The following ADGRG3 variants were observed in gnomAD, a reference collection of about 807,000 sequenced individuals.
ADGRG3 encodes G protein-coupled receptor 97.
Under a neutral mutation model 54.3 loss-of-function variants are expected in ADGRG3, and 39 were observed. That is an observed-to-expected ratio of 0.72 (90% CI 0.56 to 0.94). The LOEUF (loss-of-function observed/expected upper bound fraction) is 0.94. Among genes scored for constraint, ADGRG3 ranks in the 40% least tolerant of loss-of-function variants. The pLI is 0.00. For missense variants in ADGRG3, 654 were observed against 694.6 expected, an observed-to-expected ratio of 0.94 and a Z score of 0.66; for synonymous variants, 312 against 290.0, an observed-to-expected ratio of 1.08 and a Z score of -0.77.
chr16:57,677,872 T>C (rs575337292), intron 3 of ADGRG3, among the ~76,000 whole-genome samples: 122 of 152,174 alleles, frequency 8.0e-4, no homozygotes, highest in Non-Finnish European at 1.4e-3. Context: ...CCTCCAGCCG[T>C]CCTCATACTT....
At chr16:57,678,691 G>A (rs2048308316) in intron 4 of ADGRG3, 3 of 332,926 alleles carry the variant, frequency 9.0e-6, no homozygotes, top group South Asian at 7.0e-5. Flanking sequence ...ACGAGCAAGT[G>A]TACCCATGCC....
At chr16:57,687,704 T>C (rs1162517812) in intron 11 of ADGRG3, among the ~76,000 whole-genome samples, 1 of 152,226 alleles carries the variant, frequency 6.6e-6, no homozygotes, top group African/African-American at 2.4e-5. Flanking sequence ...GCCTGGAGAA[T>C]CCCAGGGGTT....
chr16:57,666,654 G>C (rs1261496558), upstream of ADGRG3, among the ~76,000 whole-genome samples: 1 of 152,158 alleles, frequency 6.6e-6, no homozygotes, highest in Non-Finnish European at 1.5e-5. Flanking sequence ...GTTGGGGGGG[G>C]TCTCAGGGTT....
chr16:57,683,307 C>T (rs566278613), intron 8 of ADGRG3, among the ~76,000 whole-genome samples: 3 of 152,270 alleles, frequency 2.0e-5, no homozygotes, highest in South Asian at 2.1e-4. Flanking sequence ...GGCCCGTGTA[C>T]GTTTGTGTGT....
intron 3 of ADGRG3, 61 bp from the exon 4 acceptor site, chr16:57,678,109 A>G: frequency 1.3e-6 from 2 of 1,585,966 alleles, no homozygotes; most frequent in East Asian, 2.2e-5. Flanking sequence ...CAGCTGGGGG[A>G]GTGGCAGGAC....
At chr16:57,675,574 T>C (rs2148700546) in intron 2 of ADGRG3, among the ~76,000 whole-genome samples, 1 of 152,198 alleles carries the variant, frequency 6.6e-6, no homozygotes, top group South Asian at 2.1e-4. Flanking sequence ...GAGGTTGCAG[T>C]GAGCTGAGAT....
chr16:57,687,368 C>T (rs1348748932), intron 11 of ADGRG3, among the ~76,000 whole-genome samples: 1 of 152,112 alleles, frequency 6.6e-6, no homozygotes. Context: ...CTTCTGGTTT[C>T]AGCCTCCTGA....
intron 6 of ADGRG3, 52 bp from the exon 7 acceptor site, chr16:57,680,213 C>T: frequency 1.6e-5 from 14 of 874,220 alleles, no homozygotes; most frequent in South Asian, 6.6e-5. Context: ...CCCTCCCTTG[C>T]CCTCCCCTCC....
In ADGRG3 at chr16:57,678,213, G is replaced by C. The variant is rs2048298336; in HGVS notation, c.389G>C (p.Arg130Thr). Residue 130 changes from arginine to threonine, a missense_variant, in exon 4 of 12, where the codon AGA (arginine) becomes ACA (threonine). Arg to Thr is a moderately conservative substitution (Grantham distance 71). Transcript: ENST00000333493. ...AAGGACGAGGACAAGCCCCCTGACA[G>C]AGTGCGACTTCCCAAGAGCCTTTTT... ...VMKDEDKPPDRVRLPKSLFRS... is the reference protein window; with the variant it reads ...VMKDEDKPPDTVRLPKSLFRS... 1 of 1,614,214 alleles carries C rather than the reference G, an allele frequency of 6.2e-7. No homozygotes were observed. Among genetic ancestry groups the C allele is most frequent in the East Asian group, 2.2e-5 (1 of 44,888 alleles).
chr16:57,680,407 T>C, intron 7 of ADGRG3, 42 bp downstream of exon 7: 2 of 1,578,622 alleles, frequency 1.3e-6, no homozygotes, highest in Non-Finnish European at 8.7e-7. Context: ...TCCCAGGGGC[T>C]TCCAGCTCCT....
intron 5 of ADGRG3, 58 bp downstream of exon 5, chr16:57,679,369 C>A (rs2048322591): frequency 1.3e-6 from 2 of 1,579,312 alleles, no homozygotes; most frequent in Non-Finnish European, 1.7e-6. Flanking sequence ...AGTGGGCACA[C>A]CTGGGCCCAT....
At chr16:57,679,137 C>G (rs1364702283) in intron 4 of ADGRG3, 40 bp from the exon 5 acceptor site, 3 of 1,610,764 alleles carry the variant, frequency 1.9e-6, no homozygotes, top group Non-Finnish European at 2.5e-6. Context: ...TTGGGATGGC[C>G]CCTTCTGCAG....
At position 57,680,327 on chromosome 16, in the gene ADGRG3, T is replaced by G; in HGVS notation, c.730T>G (p.Cys244Gly). The G allele has an allele frequency of 6.2e-7, 1 of 1,612,644 alleles. No individual in the cohort carries two copies. The highest frequency in any genetic ancestry group is 1.1e-5 in the South Asian group (1 of 90,980). ...STEVRPEGTV[C>G]CCDHLTFFAL... Reference sequence around the variant, plus strand: ...GGAGGTCAGACCTGAGGGGACCGTGTGCTGCTGTGACCACCTGACCTTTTT... The same window carrying G: ...GGAGGTCAGACCTGAGGGGACCGTGGGCTGCTGTGACCACCTGACCTTTTT... The change falls in exon 7 of 12, where the codon TGC becomes GGC. Residue 244 changes from cysteine (C) to glycine (G), a missense_variant. By Grantham distance (159) the Cys-to-Gly change is radical (BLOSUM62 -3). Transcript: ENST00000333493.
rs1210991733 is a variant in ADGRG3, at chr16:57,685,755, A to T, written c.1369A>T (p.Ile457Phe). The T allele has an allele frequency of 1.2e-6, 2 of 1,613,992 alleles. No individual in the cohort carries two copies. The highest frequency in any genetic ancestry group is 1.6e-4 in the Middle Eastern group (1 of 6,084). The change falls in exon 11 of 12, where the codon ATC becomes TTC. Residue 457 changes from isoleucine to phenylalanine, a missense_variant. Ile to Phe is a conservative substitution (Grantham distance 21, BLOSUM62 0). Coordinates refer to ENST00000333493, the MANE Select transcript of ADGRG3 (RefSeq NM_170776.5). The part of the protein sequence containing the change: ...MVVLALVVWK[I>F]FTLSRATAVK... Reference sequence around the variant, plus strand: ...GGTCCTGGCCCTGGTGGTCTGGAAGATCTTCACCCTGTCCCGTGCTACAGC... The same window carrying T: ...GGTCCTGGCCCTGGTGGTCTGGAAGTTCTTCACCCTGTCCCGTGCTACAGC...
At chr16:57,673,872 A>C (rs1009428903) in intron 2 of ADGRG3, among the ~76,000 whole-genome samples, 5 of 152,180 alleles carry the variant, frequency 3.3e-5, no homozygotes, top group Non-Finnish European at 7.3e-5. Flanking sequence ...GGATCTAAAC[A>C]ATGGTGAGGA....
At chr16:57,667,938 A>G (rs1292271489), upstream of ADGRG3, among the ~76,000 whole-genome samples, 1 of 152,212 alleles carries the variant, frequency 6.6e-6, no homozygotes, top group Non-Finnish European at 1.5e-5. Context: ...TGAGGCTCAG[A>G]GAGGCTCCCA....
Position 57,679,278 on chromosome 16 carries a change from G to A in ADGRG3, c.594G>A (p.Leu198=). Residue 198 remains leucine (L), a synonymous_variant, in exon 5 of 12, where the codon CTG becomes CTA. Coordinates refer to ENST00000333493, the MANE Select transcript of ADGRG3 (RefSeq NM_170776.5). ...QMHVTKLAEP[L]EIVFSHQRPP... Reference sequence around the variant, plus strand: ...ATGTCACCAAGCTGGCTGAGCCTCTGGAGATCGTCTTCTCTCACCAGCGAC... The same window carrying A: ...ATGTCACCAAGCTGGCTGAGCCTCTAGAGATCGTCTTCTCTCACCAGCGAC... 1 of 1,614,000 alleles carries A rather than the reference G, an allele frequency of 6.2e-7. No homozygotes were observed. The highest frequency in any genetic ancestry group is 1.1e-5 in the South Asian group (1 of 91,088).
intron 10 of ADGRG3, among the ~76,000 whole-genome samples, chr16:57,684,766 T>G (rs1019000373): frequency 6.6e-6 from 1 of 152,112 alleles, no homozygotes; most frequent in East Asian, 1.9e-4. Flanking sequence ...CGAGCCCACA[T>G]GGCACCTTGA....
At position 57,668,382 on chromosome 16, in the gene ADGRG3, T is replaced by C. The variant is rs761245083; in HGVS notation, c.35T>C (p.Leu12Pro). The C allele has an allele frequency of 4.4e-6, 7 of 1,574,644 alleles. No homozygotes were observed. The South Asian group carries it at 8.1e-5, about 18-fold the overall frequency. The change falls in exon 1 of 12, where the codon CTG becomes CCG. Residue 12 changes from leucine to proline, a missense_variant. Leu to Pro is a moderately conservative substitution (Grantham distance 98). Coordinates refer to ENST00000333493, the MANE Select transcript of ADGRG3 (RefSeq NM_170776.5). ...CCCAGGGGCCTGGGGGCCCTGCTCC[T>C]GCTCCTCCTGCTCCCGACCTCAGGT... ...ATPRGLGALL[L>P]LLLLPTSGQE...
Sources: gnomAD v4.1 joint callset for allele counts (sites outside exome capture counted in the v4.1 genomes callset) on GRCh38, gnomAD v4.1.1 for gene constraint, MANE v1.5 for transcripts, NCBI Gene and HGNC (gene_info 2026-07-23, HGNC 2026-07-21) for gene names.